The following XKR4 variants were observed in gnomAD, a reference collection of about 807,000 sequenced individuals.
XKR4 encodes the protein XK-related protein 4.
In XKR4, 12 loss-of-function variants were observed where a neutral mutation model predicts 53.9. The ratio of observed to expected loss-of-function variants is 0.22; its 90% CI spans 0.14 to 0.36. XKR4 has a LOEUF of 0.36. Ranked by LOEUF, XKR4 falls within the 10% of genes least tolerant of loss-of-function variation. XKR4 has a pLI of 1.00. For synonymous variants in XKR4, 354 were observed against 362.4 expected (o/e 0.98, Z 0.26); for missense variants, 799 against 859.5 (o/e 0.93, Z 0.88).
chr8:55,417,574 C>A (rs1804868575), intron 2 of XKR4, among the ~76,000 whole-genome samples: 1 of 152,114 alleles, frequency 6.6e-6, no homozygotes, highest in African/African-American at 2.4e-5. Flanking sequence ...TGACAGCACT[C>A]CAACTTTCAA....
At chr8:55,438,762 A>C (rs938089027) in intron 2 of XKR4, among the ~76,000 whole-genome samples, 1 of 152,188 alleles carries the variant, frequency 6.6e-6, no homozygotes, top group African/African-American at 2.4e-5. Flanking sequence ...TATATAAAAT[A>C]TATCTTAAAA....
intron 2 of XKR4, among the ~76,000 whole-genome samples, chr8:55,507,521 G>A (rs926888052): frequency 2.6e-5 from 4 of 152,014 alleles, no homozygotes; most frequent in African/African-American, 4.8e-5. Flanking sequence ...CCTACAACAG[G>A]CCCCAATGTG....
chr8:55,241,090 C>T (rs1454306132), intron 1 of XKR4, among the ~76,000 whole-genome samples: 2 of 152,202 alleles, frequency 1.3e-5, no homozygotes, highest in African/African-American at 4.8e-5. Context: ...AAAAAGAAAC[C>T]TTCAAAACTA....
At chr8:55,514,030 G>C (rs1360912323) in intron 2 of XKR4, among the ~76,000 whole-genome samples, 1 of 152,120 alleles carries the variant, frequency 6.6e-6, no homozygotes, top group Non-Finnish European at 1.5e-5. Flanking sequence ...CCAAATGCTT[G>C]TGACAGAGAC....
intron 1 of XKR4, among the ~76,000 whole-genome samples, chr8:55,287,386 G>C (rs554803596): frequency 6.6e-6 from 1 of 152,068 alleles, no homozygotes; most frequent in African/African-American, 2.4e-5. Context: ...TTGCATATTA[G>C]AGGCTTCACA....
chr8:55,413,514 C>A (rs1276377880), intron 2 of XKR4, among the ~76,000 whole-genome samples: 1 of 152,254 alleles, frequency 6.6e-6, no homozygotes, highest in African/African-American at 2.4e-5. Flanking sequence ...GCATGAGCCA[C>A]TGCTCCCGGC....
At chr8:55,353,282 G>GTC (rs1418197072) in intron 1 of XKR4, among the ~76,000 whole-genome samples, 1 of 152,148 alleles carries the variant, frequency 6.6e-6, no homozygotes, top group Non-Finnish European at 1.5e-5. Context: ...GTGAAGATGA[G>GTC]ATCATTGGGG....
chr8:55,454,694 C>T, intron 2 of XKR4: 1 of 877,940 alleles, frequency 1.1e-6, no homozygotes, highest in Non-Finnish European at 1.9e-6. Flanking sequence ...TTCAGGCCCT[C>T]CACGTGGACG....
At chr8:55,227,482 A>T (rs1489712887) in intron 1 of XKR4, among the ~76,000 whole-genome samples, 1 of 152,230 alleles carries the variant, frequency 6.6e-6, no homozygotes, top group East Asian at 1.9e-4. Flanking sequence ...GTGCTCATCC[A>T]GCCTGAGGTT....
intron 1 of XKR4, among the ~76,000 whole-genome samples, chr8:55,180,917 G>A (rs1817302274): frequency 1.3e-5 from 2 of 152,116 alleles, no homozygotes; most frequent in South Asian, 2.1e-4. Flanking sequence ...TCTCAAATAC[G>A]GAGGAGTTAC....
At position 55,194,976 on chromosome 8, in the gene XKR4, C is replaced by T. The variant is rs145551891; in HGVS notation, c.806+91682C>T. 4.6e-4 allele frequency among the ~76,000 whole-genome samples: 70 copies of T among 152,132 alleles called. 1 individual carries two copies. The East Asian group carries it at 0.012, about 25-fold the overall frequency. On this transcript the variant is annotated intron_variant, in intron 1 of 2. Transcript: ENST00000327381. Reference sequence around the variant, plus strand: ...TGATAGATGTCTACGTGACTGGGAACGTATAATTTGGAAAGAGTACAGTGA... The same window carrying T: ...TGATAGATGTCTACGTGACTGGGAATGTATAATTTGGAAAGAGTACAGTGA...
In XKR4 at chr8:55,102,550, C is replaced by T. The variant is rs762821952; in HGVS notation, c.62C>T (p.Pro21Leu). The T allele has an allele frequency of 6.4e-7, 1 of 1,552,518 alleles. No individual in the cohort carries two copies. Among genetic ancestry groups the T allele is most frequent in the Non-Finnish European group, 8.7e-7 (1 of 1,146,440 alleles). Residue 21 changes from proline to leucine, a missense_variant, in exon 1 of 3, where the codon CCG becomes CTG. Pro to Leu is a moderately conservative substitution (Grantham distance 98). Coordinates refer to ENST00000327381, the MANE Select transcript of XKR4 (RefSeq NM_052898.2). The surrounding 1 kb of genome is among the most constrained non-coding windows in gnomAD (Gnocchi z 5.1). ...AAAAGCAGCGACGTGGCGTTCACCC[C>T]GCTGCAGAACTCGGACCACTCGGGC... ...MKKSSDVAFTPLQNSDHSGSV... is the reference protein window; with the variant it reads ...MKKSSDVAFTLLQNSDHSGSV...
At chr8:55,519,155 A>C (rs1273891081) in intron 2 of XKR4, among the ~76,000 whole-genome samples, 1 of 152,238 alleles carries the variant, frequency 6.6e-6, no homozygotes, top group Non-Finnish European at 1.5e-5. Flanking sequence ...TCTATAAAAT[A>C]AGATTATTGC....
At chr8:55,220,027 A>G (rs1817859774) in intron 1 of XKR4, among the ~76,000 whole-genome samples, 1 of 152,150 alleles carries the variant, frequency 6.6e-6, no homozygotes, top group African/African-American at 2.4e-5. Context: ...AAAATAATAT[A>G]TTGTATGTTT....
intron 1 of XKR4, among the ~76,000 whole-genome samples, chr8:55,156,811 T>C (rs564922530): frequency 6.6e-6 from 1 of 152,370 alleles, no homozygotes; most frequent in South Asian, 2.1e-4. Context: ...ACATGCCCCC[T>C]GGGCCAGCAT....
intron 2 of XKR4, among the ~76,000 whole-genome samples, chr8:55,484,618 G>A (rs768992415): frequency 2.6e-5 from 4 of 152,160 alleles, no homozygotes; most frequent in African/African-American, 4.8e-5. Flanking sequence ...TGGACCACAG[G>A]GTGTGCAGTT....
intron 2 of XKR4, among the ~76,000 whole-genome samples, chr8:55,462,771 T>G (rs1055323818): frequency 1.3e-5 from 2 of 152,012 alleles, no homozygotes; most frequent in Non-Finnish European, 2.9e-5. Flanking sequence ...AATAAAGGCA[T>G]GGAGGAAGAT....
chr8:55,499,825 G>A (rs1415714867), intron 2 of XKR4, among the ~76,000 whole-genome samples: 2 of 152,156 alleles, frequency 1.3e-5, no homozygotes, highest in South Asian at 2.1e-4. Context: ...ATTTTGCTTT[G>A]TTTTGTTTGG....
chr8:55,149,127 G>A (rs896294034), intron 1 of XKR4, among the ~76,000 whole-genome samples: 5 of 152,194 alleles, frequency 3.3e-5, no homozygotes, highest in African/African-American at 1.2e-4. Context: ...ATAACGGGCA[G>A]CATGGCTTGG....
Sources: gnomAD v4.1 joint callset for allele counts (sites outside exome capture counted in the v4.1 genomes callset) on GRCh38, gnomAD v4.1.1 for gene constraint, Gnocchi (gnomAD v3.1) non-coding constraint, MANE v1.5 for transcripts, NCBI Gene and HGNC (gene_info 2026-07-23, HGNC 2026-07-21) for gene names.